Variants in ANO4 observed in about 807,000 individuals in gnomAD.
ANO4 encodes the protein anoctamin 4.
ANO4 carries 69 observed loss-of-function variants against 141.9 expected under a neutral mutation model. That is an observed-to-expected ratio of 0.49 (90% confidence interval 0.40 to 0.59). ANO4 has a LOEUF of 0.59. Among genes scored for constraint, ANO4 ranks in the 20% least tolerant of loss-of-function variants. ANO4 has a pLI of 0.00. For synonymous variants in ANO4, 350 were observed against 394.3 expected, an observed-to-expected ratio of 0.89 and a Z score of 1.33; for missense variants, 894 against 1,162.2, an observed-to-expected ratio of 0.77 and a Z score of 3.36.
chr12:101,056,031 T>C (rs1416119058), intron 14 of ANO4, among the ~76,000 whole-genome samples: 1 of 152,168 alleles, frequency 6.6e-6, no homozygotes, highest in Non-Finnish European at 1.5e-5. Context: ...TGTGTACACA[T>C]GGCAATAATC....
At chr12:100,817,156 T>C (rs1464164883) in intron 1 of ANO4, among the ~76,000 whole-genome samples, 4 of 151,964 alleles carry the variant, frequency 2.6e-5, no homozygotes, top group Admixed American at 2.6e-4. Context: ...CTTAAGTATA[T>C]GCTATGTAGA....
At chr12:100,963,499 T>C (rs1042056808) in intron 5 of ANO4, among the ~76,000 whole-genome samples, 6 of 152,046 alleles carry the variant, frequency 3.9e-5, no homozygotes, top group African/African-American at 1.4e-4. Flanking sequence ...TCTGTGTGTG[T>C]GTGTGTCTGT....
chr12:100,929,489 A>G (rs1050550848), intron 3 of ANO4, among the ~76,000 whole-genome samples: 2 of 152,140 alleles, frequency 1.3e-5, no homozygotes, highest in African/African-American at 4.8e-5. Context: ...GTGTATATGT[A>G]CCACCATTTT....
At chr12:100,774,921 G>T (rs905798698) in intron 3 of ANO4, among the ~76,000 whole-genome samples, 2 of 152,180 alleles carry the variant, frequency 1.3e-5, no homozygotes, top group East Asian at 3.8e-4. Flanking sequence ...ATTGTATAAA[G>T]TTCATTTTTT....
At chr12:100,864,118 C>T (rs995251028) in intron 1 of ANO4, among the ~76,000 whole-genome samples, 1 of 152,136 alleles carries the variant, frequency 6.6e-6, no homozygotes, top group Non-Finnish European at 1.5e-5. Context: ...ATGCCTTTCT[C>T]CAGGTCACTG....
intron 1 of ANO4, among the ~76,000 whole-genome samples, chr12:100,895,978 A>G (rs987248243): frequency 7.2e-5 from 11 of 152,094 alleles, no homozygotes; most frequent in Non-Finnish European, 1.5e-4. Flanking sequence ...TAGGAGACAG[A>G]GTAAAGTGGG....
At chr12:101,043,427 A>C in intron 12 of ANO4, 112 bp from the exon 13 acceptor site, 1 of 726,264 alleles carries the variant, frequency 1.4e-6, no homozygotes, top group Non-Finnish European at 2.3e-6. Flanking sequence ...AGATGCTTCT[A>C]AGGGCAAACA....
At chr12:100,934,566 C>T (rs1432296529) in intron 3 of ANO4, among the ~76,000 whole-genome samples, 1 of 151,900 alleles carries the variant, frequency 6.6e-6, no homozygotes, top group Admixed American at 6.6e-5. Context: ...ATTGTCTTGG[C>T]AATGTGGGCT....
At chr12:100,778,094 C>T (rs577301495) in intron 3 of ANO4, among the ~76,000 whole-genome samples, 565 of 151,838 alleles carry the variant, frequency 3.7e-3, no homozygotes, top group Non-Finnish European at 5.1e-3. Flanking sequence ...TAATTTTTTG[C>T]ATTTTTAGTA....
chr12:100,722,848 C>T (rs755910399), intron 1 of ANO4, among the ~76,000 whole-genome samples: 2 of 152,060 alleles, frequency 1.3e-5, no homozygotes, highest in South Asian at 2.1e-4. Flanking sequence ...AGCATAATAA[C>T]TTTTACCCTT....
At chr12:100,888,384 G>A (rs1338737442) in intron 1 of ANO4, among the ~76,000 whole-genome samples, 1 of 152,220 alleles carries the variant, frequency 6.6e-6, no homozygotes, top group Non-Finnish European at 1.5e-5. Context: ...AAGCACCCAG[G>A]GTCTAGCAAG....
intron 5 of ANO4, among the ~76,000 whole-genome samples, chr12:100,947,433 C>T (rs192009581): frequency 6.6e-6 from 1 of 152,334 alleles, no homozygotes; most frequent in East Asian, 1.9e-4. Context: ...CAACCCTTCA[C>T]TTTGCTTCTA....
chr12:101,049,329 C>T (rs1420270224), intron 14 of ANO4, among the ~76,000 whole-genome samples: 1 of 152,174 alleles, frequency 6.6e-6, no homozygotes, highest in Non-Finnish European at 1.5e-5. Flanking sequence ...CAGGCCCCAG[C>T]TGAAATGTCA....
chr12:100,759,827 C>T (rs767485347), intron 3 of ANO4, among the ~76,000 whole-genome samples: 22 of 152,196 alleles, frequency 1.4e-4, no homozygotes, highest in Non-Finnish European at 2.6e-4. Flanking sequence ...TCCCATGCTC[C>T]CAAGGTTTTC....
chr12:100,887,299 T>C (rs542318596), intron 1 of ANO4, among the ~76,000 whole-genome samples: 2 of 152,318 alleles, frequency 1.3e-5, no homozygotes, highest in South Asian at 4.1e-4. Flanking sequence ...CCACTGAAAT[T>C]TAGGATTGCA....
intron 1 of ANO4, among the ~76,000 whole-genome samples, chr12:100,899,875 G>A (rs2040507973): frequency 6.6e-6 from 1 of 152,042 alleles, no homozygotes; most frequent in African/African-American, 2.4e-5. Context: ...GGTAGATACT[G>A]TTTTATATCC....
At chr12:101,083,623 T>C in intron 15 of ANO4, 55 bp from the exon 16 acceptor site, 2 of 1,549,540 alleles carry the variant, frequency 1.3e-6, no homozygotes, top group South Asian at 2.5e-5. Flanking sequence ...ATATTTCTTT[T>C]TTTATTGTGT....
intron 7 of ANO4, among the ~76,000 whole-genome samples, chr12:100,981,254 C>T (rs970899603): frequency 2.0e-4 from 31 of 152,120 alleles, no homozygotes; most frequent in African/African-American, 7.2e-4. Flanking sequence ...ACCCCTGTGA[C>T]CTAAAAGAAT....
chr12:100,720,928 T>C (rs945756034), intron 1 of ANO4, among the ~76,000 whole-genome samples: 3 of 152,168 alleles, frequency 2.0e-5, no homozygotes, highest in African/African-American at 7.2e-5. Flanking sequence ...GTTAAGGAAC[T>C]TATTTAGGGA....
Sources: gnomAD v4.1 joint callset for allele counts (sites outside exome capture counted in the v4.1 genomes callset) on GRCh38, gnomAD v4.1.1 for gene constraint, MANE v1.5 for transcripts, NCBI Gene and HGNC (gene_info 2026-07-23, HGNC 2026-07-21) for gene names.